The following MT1G variants were observed in gnomAD, a reference collection of about 807,000 sequenced individuals.
The protein encoded by MT1G is metallothionein-1G.
In MT1G, 8 loss-of-function variants were observed where a neutral mutation model predicts 9.1. The ratio of observed to expected loss-of-function variants is 0.87; its 90% CI spans 0.51 to 1.58. MT1G has a LOEUF of 1.58. Ranked by LOEUF, MT1G falls within the 40% of genes most tolerant of loss-of-function variation. The pLI, the probability that MT1G is intolerant of heterozygous loss-of-function variation, is 0.00. For synonymous variants in MT1G, 31 were observed against 28.4 expected (o/e 1.09, Z -0.29); for missense variants, 79 against 77.3 (o/e 1.02, Z -0.08).
intron 2 of MT1G, 147 bp downstream of exon 2, chr16:56,667,165 G>A (rs1190785754): frequency 6.4e-7 from 1 of 1,556,568 alleles, no homozygotes; most frequent in Non-Finnish European, 8.8e-7. Flanking sequence ...CATAAGCCCT[G>A]GAAAGTGCAG....
At position 56,667,651 on chromosome 16, in the gene MT1G, CCTCCTATCCAATGT is replaced by C. The variant is rs527810940; in HGVS notation, c.29-285_29-272del. Among the ~76,000 whole-genome samples, 326 of 152,286 alleles carry C rather than the reference CCTCCTATCCAATGT, an allele frequency of 2.1e-3. 1 individual carries two copies. Among genetic ancestry groups the C allele is most frequent in the Middle Eastern group, 3.4e-3 (1 of 294 alleles). ...CCTGAACCTGGAAGAGGCAATGTCCCCTCCTATCCAATGTCTCCTATCCAATCCGGTAGCTCAGA... is the reference window on the plus strand; with the variant it reads ...CCTGAACCTGGAAGAGGCAATGTCCCCTCCTATCCAATCCGGTAGCTCAGA... On this transcript the variant is annotated intron_variant, in intron 1 of 2. Coordinates refer to ENST00000379811, the MANE Select transcript of MT1G (RefSeq NM_001301267.2).
chr16:56,667,242 A>G, intron 2 of MT1G, 70 bp downstream of exon 2: 1 of 1,613,386 alleles, frequency 6.2e-7, no homozygotes, highest in South Asian at 1.1e-5. Flanking sequence ...GCACGCACTC[A>G]GGGACAGCCT....
In MT1G at chr16:56,667,352, G is replaced by A. The variant is rs778812253; in HGVS notation, c.57C>T (p.Ser19=). ...TGCATTTGCACTCTTTGCACTTGCAGGAGCTGGCGCAGGTGCAGGAGACAC... is the reference window on the plus strand; with the variant it reads ...TGCATTTGCACTCTTTGCACTTGCAAGAGCTGGCGCAGGTGCAGGAGACAC... The part of the protein sequence containing the change: ...AAGVSCTCAS[S]CKCKECKCTS... The change falls in exon 2 of 3, where the codon TCC becomes TCT. Residue 19 remains serine, a synonymous_variant. Transcript: ENST00000379811. 6.2e-7 allele frequency: 1 copy of A among 1,614,268 alleles called. No individual in the cohort carries two copies. The highest frequency in any genetic ancestry group is 2.2e-5 in the East Asian group (1 of 44,886).
Position 56,666,950 on chromosome 16 carries a change from C to T in MT1G, c.118G>A (p.Val40Met), listed in dbSNP as rs750552132. Residue 40 changes from valine to methionine, a missense_variant, in exon 3 of 3, where the codon GTG (valine) becomes ATG (methionine). By Grantham distance (21) the Val-to-Met change is conservative. Coordinates refer to ENST00000379811, the MANE Select transcript of MT1G (RefSeq NM_001301267.2). ...CKKSCCSCCP[V>M]GCAKCAQGCI... ...CCCTGGGCACACTTGGCACAGCCCA[C>T]AGGGCAGCAGGAGCAGCAGCCTGGG... The T allele has an allele frequency of 2.9e-5, 46 of 1,614,020 alleles. No homozygotes were observed. The highest frequency in any genetic ancestry group is 3.3e-5 in the Non-Finnish European group (39 of 1,180,046).
At chr16:56,667,456 C>G in intron 1 of MT1G, 76 bp from the exon 2 acceptor site, 1 of 1,591,920 alleles carries the variant, frequency 6.3e-7, no homozygotes, top group Admixed American at 1.7e-5. Context: ...GTCCACTTCC[C>G]CCTTCTCTGT....
chr16:56,666,756 T>G lies in MT1G; in HGVS notation c.*123A>C, dbSNP rs1231784306. 4 of 1,389,984 alleles carry G rather than the reference T, an allele frequency of 2.9e-6. No individual in the cohort carries two copies. The African/African-American group carries it at 5.8e-5, about 20-fold the overall frequency. The allele number at this position is 1,389,984 out of a possible 1,614,324, so 86.1% of individuals were successfully genotyped here. On this transcript the variant is annotated 3_prime_UTR_variant, in exon 3 of 3. Coordinates refer to ENST00000379811, the MANE Select transcript of MT1G (RefSeq NM_001301267.2). ...GGAATCAAGTCTAAGTGTTTAATTA[T>G]TATTCACATATTTCACAGAAAAAAA...
At chr16:56,667,171 T>C in intron 2 of MT1G, 141 bp downstream of exon 2, 1 of 1,559,732 alleles carries the variant, frequency 6.4e-7, no homozygotes, top group Non-Finnish European at 8.8e-7. Context: ...CCCTGGAAAG[T>C]GCAGAAGACT....
Position 56,668,053 on chromosome 16 carries a change from T to A in MT1G, c.-60A>T, listed in dbSNP as rs1960814173. 6 of 1,585,710 alleles carry A rather than the reference T, an allele frequency of 3.8e-6. No individual in the cohort carries two copies. Among genetic ancestry groups the A allele is most frequent in the Non-Finnish European group, 5.2e-6 (6 of 1,155,118 alleles). On this transcript the variant is annotated 5_prime_UTR_variant, in exon 1 of 3. Coordinates refer to ENST00000379811, the MANE Select transcript of MT1G (RefSeq NM_001301267.2). Reference sequence around the variant, plus strand: ...GAAGGGAAGAGGCAGTGGGTGCACGTGGAAGGCGGAGTGGAGCCCAACAGC... The same window carrying A: ...GAAGGGAAGAGGCAGTGGGTGCACGAGGAAGGCGGAGTGGAGCCCAACAGC...
intron 2 of MT1G, 80 bp from the exon 3 acceptor site, chr16:56,667,050 C>G: frequency 6.3e-7 from 1 of 1,598,298 alleles, no homozygotes; most frequent in Admixed American, 1.7e-5. Flanking sequence ...TGTCTCCATC[C>G]CTCCAGCCCC....
rs1176714997 is a variant in MT1G, at chr16:56,666,878, A to T, written c.*1T>A. Reference sequence around the variant, plus strand: ...TACTTGGGAGCAGGGCTGTCCCGACATCAGGCGCAGCAGCTGCACTTCTCC... The same window carrying T: ...TACTTGGGAGCAGGGCTGTCCCGACTTCAGGCGCAGCAGCTGCACTTCTCC... On this transcript the variant is annotated 3_prime_UTR_variant, in exon 3 of 3. Coordinates refer to ENST00000379811, the MANE Select transcript of MT1G (RefSeq NM_001301267.2). The T allele has an allele frequency of 3.1e-6, 5 of 1,614,154 alleles. No homozygotes were observed. In the African/African-American group the frequency reaches 5.3e-5, roughly 17 times the overall value.
intron 2 of MT1G, 99 bp from the exon 3 acceptor site, chr16:56,667,069 C>T: frequency 6.3e-7 from 1 of 1,591,804 alleles, no homozygotes; most frequent in Non-Finnish European, 8.6e-7. Context: ...CCAGAGGACC[C>T]TTAGTTCATG....
intron 1 of MT1G, 96 bp from the exon 2 acceptor site, chr16:56,667,476 G>A: frequency 6.6e-7 from 1 of 1,519,406 alleles, no homozygotes; most frequent in Non-Finnish European, 9.0e-7. Flanking sequence ...TGCAGAGCCA[G>A]CCCTCAGAGC....
chr16:56,667,051 C>A (rs1960790280), intron 2 of MT1G, 81 bp from the exon 3 acceptor site: 1 of 1,600,556 alleles, frequency 6.2e-7, no homozygotes, highest in East Asian at 2.2e-5. Context: ...GTCTCCATCC[C>A]TCCAGCCCCA....
At chr16:56,667,174 A>G (rs766433563) in intron 2 of MT1G, 138 bp downstream of exon 2, 1 of 1,564,788 alleles carries the variant, frequency 6.4e-7, no homozygotes, top group Non-Finnish European at 8.7e-7. Context: ...TGGAAAGTGC[A>G]GAAGACTAGA....
At chr16:56,667,194 A>G (rs1294686467) in intron 2 of MT1G, 118 bp downstream of exon 2, 1 of 1,590,294 alleles carries the variant, frequency 6.3e-7, no homozygotes, top group East Asian at 2.3e-5. Context: ...ACAGGCAGTG[A>G]CAACCTACAG....
At chr16:56,667,606 G>A (rs1204060147) in intron 1 of MT1G, among the ~76,000 whole-genome samples, 2 of 151,838 alleles carry the variant, frequency 1.3e-5, no homozygotes, top group African/African-American at 4.8e-5. Flanking sequence ...ACATGGCCCA[G>A]GAAGACTTCG....
rs749333623 is a variant in MT1G, at chr16:56,667,313, C to T, written c.96G>A (p.Lys32=). The change falls in exon 2 of 3, where the codon AAG becomes AAA. Residue 32 remains lysine (K), a splice_region_variant and synonymous_variant. Coordinates refer to ENST00000379811, the MANE Select transcript of MT1G (RefSeq NM_001301267.2). ...TCCTGGAGATGGCCCCGCACTCACT[C>T]TTCTTGCAGGAGGTGCATTTGCACT... ...CKECKCTSCK[K]SCCSCCPVGC... The T allele has an allele frequency of 6.2e-7, 1 of 1,614,212 alleles. No individual in the cohort carries two copies. The highest frequency in any genetic ancestry group is 8.5e-7 in the Non-Finnish European group (1 of 1,180,052).
chr16:56,668,044 G>T lies in MT1G; in HGVS notation c.-51C>A. 6.3e-7 allele frequency: 1 copy of T among 1,599,646 alleles called. No individual in the cohort carries two copies. Among genetic ancestry groups the T allele is most frequent in the Non-Finnish European group, 8.6e-7 (1 of 1,167,478 alleles). On this transcript the variant is annotated 5_prime_UTR_variant, in exon 1 of 3. Transcript: ENST00000379811. The stretch of plus-strand genomic sequence containing the variant: ...CCCAAGCGAGAAGGGAAGAGGCAGT[G>T]GGTGCACGTGGAAGGCGGAGTGGAG...
chr16:56,667,983 T>C lies in MT1G; in HGVS notation c.11A>G (p.Asn4Ser), dbSNP rs201188585. The change falls in exon 1 of 3, where the codon AAC becomes AGC. Residue 4 changes from asparagine to serine, a missense_variant. Physicochemically the swap from Asn to Ser is conservative, Grantham distance 46. Transcript: ENST00000379811. MDP[N>S]CSCAAAGVSC... is the part of the protein sequence containing the mutation. Reference sequence around the variant, plus strand: ...TCCCTTACCAGCGGCACAGGAGCAGTTGGGGTCCATTGCAACCCGAGGCGA... The same window carrying C: ...TCCCTTACCAGCGGCACAGGAGCAGCTGGGGTCCATTGCAACCCGAGGCGA... 1.6e-4 allele frequency: 263 copies of C among 1,613,872 alleles called. No individual in the cohort carries two copies. The highest frequency in any genetic ancestry group is 2.7e-4 in the Admixed American group (16 of 60,002).
Sources: gnomAD v4.1 joint callset for allele counts (sites outside exome capture counted in the v4.1 genomes callset) on GRCh38, gnomAD v4.1.1 for gene constraint, MANE v1.5 for transcripts, NCBI Gene and HGNC (gene_info 2026-07-23, HGNC 2026-07-21) for gene names.